Variants in CACNA2D1 observed in about 807,000 individuals in gnomAD.
The protein encoded by CACNA2D1 is calcium voltage-gated channel auxiliary subunit alpha2delta 1, also known as voltage-dependent calcium channel subunit alpha-2/delta-1.
A neutral mutation model predicts 171.5 loss-of-function variants in CACNA2D1; 53 were observed. The ratio of observed to expected loss-of-function variants is 0.31; its 90% CI spans 0.25 to 0.39. CACNA2D1 has a LOEUF of 0.39. Ranked by LOEUF, CACNA2D1 falls within the 10% of genes least tolerant of loss-of-function variation. CACNA2D1 has a pLI of 1.00. For synonymous variants in CACNA2D1, 442 were observed against 443.1 expected (o/e 1.00, Z 0.03); for missense variants, 903 against 1,299.8 (o/e 0.69, Z 4.69).
chr7:82,308,437 A>G (rs999593144), intron 3 of CACNA2D1, among the ~76,000 whole-genome samples: 2 of 152,190 alleles, frequency 1.3e-5, no homozygotes, highest in African/African-American at 4.8e-5. Flanking sequence ...GAGCCCCAAC[A>G]GTCACAAGTA....
At chr7:82,406,402 A>G (rs1827050939) in intron 1 of CACNA2D1, among the ~76,000 whole-genome samples, 1 of 152,230 alleles carries the variant, frequency 6.6e-6, no homozygotes, top group Admixed American at 6.5e-5. Context: ...CTTTGGGTAT[A>G]TACCCAGTAA....
chr7:82,291,471 A>G (rs911337550), intron 3 of CACNA2D1, among the ~76,000 whole-genome samples: 1 of 134,890 alleles, frequency 7.4e-6, no homozygotes, highest in African/African-American at 2.7e-5. Flanking sequence ...AATATATAAT[A>G]TATAAAAATA....
At chr7:82,177,918 C>G (rs1471502722) in intron 3 of CACNA2D1, among the ~76,000 whole-genome samples, 2 of 152,098 alleles carry the variant, frequency 1.3e-5, no homozygotes, top group Non-Finnish European at 2.9e-5. Context: ...AGCCACATTA[C>G]AGATAAATCT....
chr7:82,367,967 GAAA>G (rs963085099), intron 1 of CACNA2D1, among the ~76,000 whole-genome samples: 2 of 147,882 alleles, frequency 1.4e-5, no homozygotes, highest in East Asian at 3.9e-4. Context: ...TATGGAGTCA[GAAA>G]AAAAAAATAA....
At chr7:82,284,216 G>A (rs1207920689) in intron 3 of CACNA2D1, among the ~76,000 whole-genome samples, 4 of 150,044 alleles carry the variant, frequency 2.7e-5, no homozygotes, top group African/African-American at 7.4e-5. Flanking sequence ...AAAGAAAAAG[G>A]AAAAAAACTA....
intron 1 of CACNA2D1, among the ~76,000 whole-genome samples, chr7:82,349,971 A>G (rs966793762): frequency 6.6e-6 from 1 of 152,192 alleles, no homozygotes; most frequent in African/African-American, 2.4e-5. Context: ...ATTCTAAACT[A>G]CAAACTTTAT....
At chr7:82,399,144 G>C (rs534063480) in intron 1 of CACNA2D1, among the ~76,000 whole-genome samples, 1 of 151,804 alleles carries the variant, frequency 6.6e-6, no homozygotes, top group East Asian at 1.9e-4. Context: ...AGGAACTCTT[G>C]TTTCCACTCA....
At chr7:82,324,369 AGAAG>A (rs1816373737) in intron 3 of CACNA2D1, among the ~76,000 whole-genome samples, 1 of 140,720 alleles carries the variant, frequency 7.1e-6, no homozygotes, top group South Asian at 2.5e-4. Flanking sequence ...AAAAAAAAGA[AGAAG>A]GAAGGAAGGA....
intron 3 of CACNA2D1, among the ~76,000 whole-genome samples, chr7:82,226,011 C>T (rs1029319742): frequency 1.3e-5 from 2 of 152,060 alleles, no homozygotes; most frequent in South Asian, 2.1e-4. Context: ...GGAAACCTAA[C>T]ATAATTGTAT....
At chr7:82,404,643 C>T (rs1181093251) in intron 1 of CACNA2D1, among the ~76,000 whole-genome samples, 1 of 152,170 alleles carries the variant, frequency 6.6e-6, no homozygotes, top group Non-Finnish European at 1.5e-5. Context: ...TAATTCCACA[C>T]TTGGCACCAT....
intron 1 of CACNA2D1, among the ~76,000 whole-genome samples, chr7:82,389,009 G>A (rs1481790483): frequency 2.6e-5 from 4 of 151,624 alleles, no homozygotes; most frequent in Non-Finnish European, 4.4e-5. Flanking sequence ...CCAGCTACTC[G>A]GGAGACTGAG....
chr7:81,997,074 A>T (rs937473336), intron 19 of CACNA2D1, 105 bp downstream of exon 19: 1 of 786,390 alleles, frequency 1.3e-6, no homozygotes, highest in East Asian at 2.5e-5. Context: ...ATACAGTATC[A>T]AACAGACAAG....
chr7:82,365,745 G>C (rs559047022), intron 1 of CACNA2D1, among the ~76,000 whole-genome samples: 31 of 152,284 alleles, frequency 2.0e-4, no homozygotes, highest in African/African-American at 7.0e-4. Flanking sequence ...AGAGCTATAC[G>C]TTACTTCTAA....
chr7:82,075,220 A>T (rs372190887), intron 7 of CACNA2D1, among the ~76,000 whole-genome samples: 2 of 23,568 alleles, frequency 8.5e-5, no homozygotes, highest in Non-Finnish European at 4.0e-4. Flanking sequence ...CACCATAATT[A>T]AAAAAAAAAA....
intron 24 of CACNA2D1, among the ~76,000 whole-genome samples, chr7:81,974,904 A>G (rs1468937584): frequency 2.6e-5 from 4 of 152,018 alleles, no homozygotes; most frequent in Admixed American, 2.0e-4. Flanking sequence ...TTAGGACAAA[A>G]ACCTAATGCA....
chr7:82,231,418 T>C (rs1353367644), intron 3 of CACNA2D1, among the ~76,000 whole-genome samples: 1 of 152,146 alleles, frequency 6.6e-6, no homozygotes, highest in African/African-American at 2.4e-5. Context: ...AACATTCACA[T>C]TTGCAGCTGC....
At chr7:81,999,056 A>C (rs1038474557) in intron 18 of CACNA2D1, among the ~76,000 whole-genome samples, 2 of 152,198 alleles carry the variant, frequency 1.3e-5, no homozygotes, top group Non-Finnish European at 2.9e-5. Flanking sequence ...AAAAGTAAAC[A>C]GAAATAAGAG....
intron 6 of CACNA2D1, among the ~76,000 whole-genome samples, chr7:82,113,169 C>G (rs573728285): frequency 3.6e-4 from 55 of 152,034 alleles, no homozygotes; most frequent in African/African-American, 1.3e-3. Flanking sequence ...TATTATTTTC[C>G]CTCATTAATG....
At chr7:82,085,083 C>T (rs1810287536) in intron 6 of CACNA2D1, among the ~76,000 whole-genome samples, 183 bp from the exon 7 acceptor site, 2 of 152,196 alleles carry the variant, frequency 1.3e-5, no homozygotes, top group South Asian at 4.1e-4. Context: ...CTACTACCAA[C>T]ATGTACATAG....
Sources: allele counts gnomAD v4.1 joint callset (sites outside exome capture counted in the v4.1 genomes callset), GRCh38; gene constraint gnomAD v4.1.1; transcripts MANE v1.5; gene names NCBI Gene and HGNC (gene_info 2026-07-23, HGNC 2026-07-21).